The following KDM2B variants were observed in gnomAD, a reference collection of about 807,000 sequenced individuals.
KDM2B encodes lysine-specific demethylase 2B.
In KDM2B, 26 loss-of-function variants were observed where a neutral mutation model predicts 150.0. The observed-to-expected ratio is 0.17, with a 90% CI of 0.13 to 0.24. The LOEUF (loss-of-function observed/expected upper bound fraction) is 0.24, where lower values mean the gene tolerates loss of function less well. Among genes scored for constraint, KDM2B ranks in the 10% least tolerant of loss-of-function variants. The pLI, the probability that KDM2B is intolerant of heterozygous loss-of-function variation, is 1.00. For missense variants in KDM2B, 1,265 were observed against 1,816.9 expected, an observed-to-expected ratio of 0.70 and a Z score of 5.52; for synonymous variants, 734 against 729.5, an observed-to-expected ratio of 1.01 and a Z score of -0.10.
rs959111593 is a variant in KDM2B, at chr12:121,444,651, A to G, written c.2104-115T>C. The G allele has an allele frequency of 2.1e-5, 17 of 820,030 alleles. No individual in the cohort carries two copies. In the African/African-American group the frequency reaches 2.5e-4, roughly 12 times the overall value. 50.8% of individuals were successfully genotyped at this position (820,030 alleles called of 1,614,324 possible). A position where few individuals can be genotyped will look rare whatever the true frequency, so the allele number is the denominator to read the frequency against. The stretch of plus-strand genomic sequence containing the variant: ...AGCAGCACCCCCTCCCCAACGTCAC[A>G]TCTATCCCGTTTCCAGGCAAAAGAA... On this transcript the variant is annotated intron_variant, in intron 14 of 22. Transcript: ENST00000377071.
chr12:121,575,661 G>A lies in KDM2B; in HGVS notation c.350+120C>T, dbSNP rs139330284. 6.6e-5 allele frequency: 50 copies of A among 757,252 alleles called. No homozygotes were observed. Among genetic ancestry groups the A allele is most frequent in the Middle Eastern group, 3.2e-4 (1 of 3,114 alleles). The allele number at this position is 757,252 out of a possible 1,614,324, so 46.9% of individuals were successfully genotyped here. The stretch of plus-strand genomic sequence containing the variant: ...AACAAGGAGATGCTGTTCCCAGATC[G>A]TGAAAAAAGATCCTTCTCAGTGATG... On this transcript the variant is annotated intron_variant, in intron 3 of 22. Coordinates refer to ENST00000377071, the MANE Select transcript of KDM2B (RefSeq NM_032590.5). This position sits in a 1 kb window ranked among gnomAD's most constrained non-coding sequence, Gnocchi z 4.4.
At position 121,452,983 on chromosome 12, in the gene KDM2B, AG is replaced by A; in HGVS notation, c.1959+136del. ...AAGCGGCCAGCGCCTTCCCGTCCAC[AG>A]GAAGAGCTCTCGGGGAGTCCACAGC... is the stretch of plus-strand genomic sequence containing the variant. On this transcript the variant is annotated intron_variant, in intron 13 of 22. Transcript: ENST00000377071. The surrounding 1 kb of genome is among the most constrained non-coding windows in gnomAD (Gnocchi z 4.4). The A allele has an allele frequency of 1.3e-6, 1 of 785,622 alleles. No homozygotes were observed. The highest frequency in any genetic ancestry group is 3.1e-5 in the Admixed American group (1 of 32,200). 48.7% of individuals were successfully genotyped at this position (785,622 alleles called of 1,614,324 possible).
chr12:121,516,931 G>A, intron 9 of KDM2B: 1 of 649,138 alleles, frequency 1.5e-6, no homozygotes, highest in Admixed American at 2.8e-5. Context: ...AGGGGAGAGG[G>A]AAGGTAAATT....
chr12:121,577,991 G>C lies in KDM2B; in HGVS notation c.271+811C>G, dbSNP rs369708866. Among the ~76,000 whole-genome samples the C allele has an allele frequency of 3.3e-5, 5 of 152,274 alleles. No homozygotes were observed. In the East Asian group the frequency reaches 7.7e-4, roughly 24 times the overall value. On this transcript the variant is annotated intron_variant, in intron 2 of 22. Transcript: ENST00000377071. ...TGAAGGTCTCCAAAACCCTGGAGGC[G>C]TCCCCAGATTCCGCTCTCAATTGGG...
At chr12:121,490,955 G>A (rs1407350012) in intron 12 of KDM2B, among the ~76,000 whole-genome samples, 2 of 152,178 alleles carry the variant, frequency 1.3e-5, no homozygotes, top group African/African-American at 2.4e-5. Context: ...GAGGGCCTCA[G>A]TGAGCACCCT....
In KDM2B at chr12:121,445,323, G is replaced by A; in HGVS notation, c.2055C>T (p.Leu685=). The change falls in exon 14 of 23, where the codon CTC becomes CTT. Residue 685 remains leucine, a synonymous_variant. Transcript: ENST00000377071. ...TTTCATTGCAGATGGAGCACTCCAT[G>A]AGCATGAGGTTAAACTTGCCTTCCT... is the stretch of plus-strand genomic sequence containing the variant. ...EEEEGKFNLM[L]MECSICNEII... 1.2e-6 allele frequency: 2 copies of A among 1,614,006 alleles called. No individual in the cohort carries two copies. The highest frequency in any genetic ancestry group is 1.7e-6 in the Non-Finnish European group (2 of 1,179,932).
chr12:121,429,063 C>G (rs1238118608), downstream of KDM2B: 1 of 152,628 alleles, frequency 6.6e-6, no homozygotes, highest in African/African-American at 2.4e-5. Flanking sequence ...TGACGCACCA[C>G]AGGGTACATC....
At chr12:121,555,518 G>A (rs1019272049) in intron 4 of KDM2B, among the ~76,000 whole-genome samples, 8 of 152,100 alleles carry the variant, frequency 5.3e-5, no homozygotes, top group Admixed American at 4.6e-4. Flanking sequence ...GATTACAGGC[G>A]TGGGCCACCA....
At chr12:121,451,530 A>G (rs1381704054) in intron 13 of KDM2B, among the ~76,000 whole-genome samples, 2 of 152,324 alleles carry the variant, frequency 1.3e-5, no homozygotes, top group East Asian at 1.9e-4. Context: ...TCTCAAAGAG[A>G]TATCTGCACA....
chr12:121,568,606 G>A (rs990985306), intron 4 of KDM2B, among the ~76,000 whole-genome samples: 3 of 152,078 alleles, frequency 2.0e-5, no homozygotes, highest in Non-Finnish European at 2.9e-5. Context: ...CATCCTCCAC[G>A]ATTTCACTGG....
intron 4 of KDM2B, among the ~76,000 whole-genome samples, chr12:121,565,814 AC>A (rs782313000): frequency 1.3e-5 from 2 of 151,434 alleles, no homozygotes; most frequent in Non-Finnish European, 2.9e-5. Flanking sequence ...TTTAGTAGAG[AC>A]GGGGTTTCAC....
chr12:121,543,941 G>A (rs1394921744), intron 6 of KDM2B, among the ~76,000 whole-genome samples: 1 of 152,002 alleles, frequency 6.6e-6, no homozygotes, highest in African/African-American at 2.4e-5. Context: ...GGGCCAACAT[G>A]GCGAAACCCC....
chr12:121,551,219 G>A (rs149410589), intron 4 of KDM2B, among the ~76,000 whole-genome samples: 3 of 152,286 alleles, frequency 2.0e-5, no homozygotes, highest in Non-Finnish European at 4.4e-5. Context: ...AGCCTTTCAT[G>A]TGGTCGGAAC....
At chr12:121,425,129 G>A (rs1872449332), downstream of KDM2B, among the ~76,000 whole-genome samples, 1 of 152,018 alleles carries the variant, frequency 6.6e-6, no homozygotes, top group African/African-American at 2.4e-5. Context: ...GGTCAACATG[G>A]TGAAACTGTC....
chr12:121,433,119 G>C (rs12427382), intron 22 of KDM2B: 1 of 456,194 alleles, frequency 2.2e-6, no homozygotes, highest in East Asian at 7.0e-5. Context: ...CCTCTTTGGA[G>C]GCTCATTCAT....
chr12:121,439,844 G>C lies in KDM2B; in HGVS notation c.3829+13C>G, dbSNP rs372472880. 2 of 1,608,702 alleles carry C rather than the reference G, an allele frequency of 1.2e-6. No individual in the cohort carries two copies. Among genetic ancestry groups the C allele is most frequent in the South Asian group, 2.2e-5 (2 of 90,916 alleles). On this transcript the variant is annotated intron_variant, in intron 22 of 22. Transcript: ENST00000377071. Reference sequence around the variant, plus strand: ...GGAGTGTTAGGCAGACCCGATGGGGGCCCCTGACTCACCAGACAGGTTGAT... The same window carrying C: ...GGAGTGTTAGGCAGACCCGATGGGGCCCCCTGACTCACCAGACAGGTTGAT...
intron 11 of KDM2B, among the ~76,000 whole-genome samples, chr12:121,495,222 C>T (rs1449945788): frequency 2.0e-5 from 3 of 151,512 alleles, no homozygotes; most frequent in African/African-American, 4.9e-5. Flanking sequence ...AGTTCAGTGG[C>T]GCAATCTGGG....
At chr12:121,422,228 C>A in the KDM2B span, among the ~76,000 whole-genome samples, 1 of 152,210 alleles carries the variant, frequency 6.6e-6, no homozygotes, top group Non-Finnish European at 1.5e-5. Flanking sequence ...CATAATCTAA[C>A]CCTAGTTCAA....
chr12:121,424,670 C>T (rs1278347335), downstream of KDM2B, among the ~76,000 whole-genome samples: 2 of 146,814 alleles, frequency 1.4e-5, no homozygotes, highest in Admixed American at 1.4e-4. Context: ...AAGATCACAC[C>T]ACTGAAATCC....
Sources: allele counts gnomAD v4.1 joint callset (sites outside exome capture counted in the v4.1 genomes callset), GRCh38; gene constraint gnomAD v4.1.1; non-coding constraint Gnocchi (gnomAD v3.1); transcripts MANE v1.5; gene names NCBI Gene and HGNC (gene_info 2026-07-23, HGNC 2026-07-21).